The following DOCK4 variants were observed in gnomAD, a reference collection of about 807,000 sequenced individuals.
DOCK4 encodes dedicator of cytokinesis 4, also known as dedicator of cytokinesis protein 4.
In DOCK4, 97 loss-of-function variants were observed where a neutral mutation model predicts 268.1. That is an observed-to-expected ratio of 0.36 (90% confidence interval 0.31 to 0.43). The LOEUF (loss-of-function observed/expected upper bound fraction) is 0.43, where lower values mean the gene tolerates loss of function less well. DOCK4 is among the 20% of genes least tolerant of loss of function. The probability of loss-of-function intolerance (pLI) is 1.00; values close to 1 mark genes in which losing one functional copy is unlikely to be tolerated. For missense variants in DOCK4, 2,145 were observed against 2,455.7 expected (o/e 0.87, Z 2.67); for synonymous variants, 954 against 887.2 (o/e 1.08, Z -1.34).
Position 111,767,178 on chromosome 7 carries a change from A to C in DOCK4, c.3829-60T>G, listed in dbSNP as rs184537417. 1.8e-5 allele frequency: 26 copies of C among 1,439,242 alleles called. No individual in the cohort carries two copies. In the Admixed American group the frequency reaches 4.0e-4, roughly 22 times the overall value. 89.2% of individuals were successfully genotyped at this position (1,439,242 alleles called of 1,614,324 possible). On this transcript the variant is annotated intron_variant, in intron 37 of 52. Coordinates refer to ENST00000428084, the MANE Select transcript of DOCK4 (RefSeq NM_001363540.2). ...TGACAATATCCACTTACTTCTACCC[A>C]AAAGTCAGAACATGAGTGCTTTCAG...
chr7:112,120,551 G>A (rs1178796417), intron 1 of DOCK4, among the ~76,000 whole-genome samples: 1 of 152,200 alleles, frequency 6.6e-6, no homozygotes, highest in African/African-American at 2.4e-5. Flanking sequence ...ATCTAGAAGA[G>A]GACAAATTTT....
intron 26 of DOCK4, among the ~76,000 whole-genome samples, chr7:111,823,660 T>C (rs1387576052): frequency 1.3e-5 from 2 of 152,232 alleles, no homozygotes; most frequent in Non-Finnish European, 2.9e-5. Flanking sequence ...CTAGCTTTGA[T>C]TTAGATTTAT....
At chr7:111,894,829 C>T (rs191830612) in intron 16 of DOCK4, among the ~76,000 whole-genome samples, 9 of 152,218 alleles carry the variant, frequency 5.9e-5, no homozygotes, top group Admixed American at 2.0e-4. Context: ...GGGTCTTAAG[C>T]TGGGAAGTGA....
At chr7:112,063,931 G>A (rs1336672074) in intron 1 of DOCK4, among the ~76,000 whole-genome samples, 2 of 152,108 alleles carry the variant, frequency 1.3e-5, no homozygotes, top group Admixed American at 6.5e-5. Context: ...CTTTTTTAAA[G>A]GGAAGGGGCT....
At chr7:111,882,155 T>C (rs1807444549) in intron 16 of DOCK4, among the ~76,000 whole-genome samples, 1 of 152,228 alleles carries the variant, frequency 6.6e-6, no homozygotes, top group Non-Finnish European at 1.5e-5. Context: ...TTATTATGCA[T>C]TGCATGCTTA....
Position 111,911,601 on chromosome 7 carries a change from G to A in DOCK4, c.1192+4178C>T, listed in dbSNP as rs527468425. Among the ~76,000 whole-genome samples, 29 of 152,190 alleles carry A rather than the reference G, an allele frequency of 1.9e-4. 1 individual carries two copies. The South Asian group carries it at 4.6e-3, about 24-fold the overall frequency. On this transcript the variant is annotated intron_variant, in intron 13 of 52. Transcript: ENST00000428084. ...AGACTTCGCATTACAAGGTGGTACCGGAAAGGGACAGAAACGAGCCTTATT... is the reference window on the plus strand; with the variant it reads ...AGACTTCGCATTACAAGGTGGTACCAGAAAGGGACAGAAACGAGCCTTATT...
intron 1 of DOCK4, among the ~76,000 whole-genome samples, chr7:112,023,292 G>A (rs866914911): frequency 3.9e-5 from 6 of 152,304 alleles, no homozygotes; most frequent in African/African-American, 1.4e-4. Flanking sequence ...GCTGAGGGAA[G>A]CATGTGTAGG....
intron 23 of DOCK4, 31 bp from the exon 24 acceptor site, chr7:111,847,157 C>A: frequency 6.2e-7 from 1 of 1,612,438 alleles, no homozygotes; most frequent in Non-Finnish European, 8.5e-7. Context: ...AGTGTCACAT[C>A]TGTTGGAGTC....
intron 7 of DOCK4, among the ~76,000 whole-genome samples, chr7:111,983,827 T>G (rs1206991002): frequency 7.3e-6 from 1 of 136,234 alleles, no homozygotes; most frequent in Non-Finnish European, 1.6e-5. Flanking sequence ...ATAGTGCTAT[T>G]ATGTATGTAC....
At chr7:112,074,978 T>C (rs1376656236) in intron 1 of DOCK4, among the ~76,000 whole-genome samples, 2 of 152,230 alleles carry the variant, frequency 1.3e-5, no homozygotes, top group Non-Finnish European at 2.9e-5. Flanking sequence ...TAGGGTCCTC[T>C]TCCTGCCTTG....
chr7:112,200,732 AAAAAAAC>A (rs1384875218), intron 1 of DOCK4, among the ~76,000 whole-genome samples: 4 of 116,656 alleles, frequency 3.4e-5, no homozygotes, highest in East Asian at 2.2e-4. Flanking sequence ...AAATAAAAAA[AAAAAAAC>A]AAAAAAAAAC....
chr7:112,071,644 A>G (rs1302637295), intron 1 of DOCK4, among the ~76,000 whole-genome samples: 2 of 152,246 alleles, frequency 1.3e-5, no homozygotes, highest in African/African-American at 2.4e-5. Flanking sequence ...GCAGTCTTCA[A>G]TCTTCTGAAA....
intron 1 of DOCK4, among the ~76,000 whole-genome samples, chr7:112,068,955 A>T (rs1197652803): frequency 1.3e-5 from 2 of 152,202 alleles, no homozygotes; most frequent in Non-Finnish European, 2.9e-5. Flanking sequence ...GAGAAATATT[A>T]ATGAATGATA....
intron 36 of DOCK4, among the ~76,000 whole-genome samples, chr7:111,773,935 T>G (rs991843279): frequency 7.2e-5 from 11 of 151,794 alleles, no homozygotes; most frequent in Non-Finnish European, 1.3e-4. Flanking sequence ...GAGGATCGCT[T>G]GGGCTTGGGA....
intron 28 of DOCK4, among the ~76,000 whole-genome samples, chr7:111,809,618 T>C (rs73434276): frequency 0.074 from 11,231 of 152,206 alleles, 1,402 homozygotes; most frequent in African/African-American, 0.26. Flanking sequence ...TTTTCTAAAG[T>C]GAAGAAGTAA....
At chr7:111,738,888 G>C (rs1043076515) in intron 49 of DOCK4, among the ~76,000 whole-genome samples, 2 of 152,000 alleles carry the variant, frequency 1.3e-5, no homozygotes, top group African/African-American at 4.8e-5. Flanking sequence ...CAGTGAGCCA[G>C]GATTGTGCCA....
chr7:111,810,368 C>T (rs1801014989), intron 28 of DOCK4, among the ~76,000 whole-genome samples: 1 of 151,946 alleles, frequency 6.6e-6, no homozygotes, highest in Non-Finnish European at 1.5e-5. Flanking sequence ...AGAAGAATTG[C>T]TTCAACCTGG....
chr7:112,034,924 A>C (rs536344303), intron 1 of DOCK4, among the ~76,000 whole-genome samples: 8 of 152,248 alleles, frequency 5.3e-5, no homozygotes, highest in Non-Finnish European at 8.8e-5. Flanking sequence ...AACAAACAAA[A>C]AAAACAACTT....
intron 25 of DOCK4, among the ~76,000 whole-genome samples, chr7:111,836,202 C>CTT (rs531222718): frequency 7.2e-6 from 1 of 138,636 alleles, no homozygotes; most frequent in African/African-American, 2.6e-5. Context: ...ATAATAGAGC[C>CTT]TTTTTTTTTT....
Sources: allele counts gnomAD v4.1 joint callset (sites outside exome capture counted in the v4.1 genomes callset), GRCh38; gene constraint gnomAD v4.1.1; transcripts MANE v1.5; gene names NCBI Gene and HGNC (gene_info 2026-07-23, HGNC 2026-07-21).